PTPRQ: variants seen among roughly 807,000 people sequenced by gnomAD.
PTPRQ encodes protein tyrosine phosphatase receptor type Q, also known as phosphatidylinositol phosphatase PTPRQ.
Under a neutral mutation model 246.0 loss-of-function variants are expected in PTPRQ, and 199 were observed. That is an observed-to-expected ratio of 0.81 (90% CI 0.72 to 0.91). The LOEUF is 0.91. Ranked by LOEUF, PTPRQ falls within the 40% of genes least tolerant of loss-of-function variation. The pLI is 0.00. For synonymous variants in PTPRQ, 869 were observed against 853.2 expected (o/e 1.02, Z -0.32); for missense variants, 2,624 against 2,528.4 (o/e 1.04, Z -0.81).
chr12:80,597,113 A>G (rs1897995237), intron 26 of PTPRQ, among the ~76,000 whole-genome samples: 2 of 152,052 alleles, frequency 1.3e-5, no homozygotes, highest in Non-Finnish European at 2.9e-5. Context: ...ATCATCTCCC[A>G]AAACAAATTG....
Position 80,680,060 on chromosome 12 carries a change from CT to C in PTPRQ, c.*1040del, listed in dbSNP as rs1007020998. ...ACCATGTATAGCAAATTCAAGGTTT[CT>C]TTATAGAAAATCTTTCAGCCTCCAT... On this transcript the variant is annotated 3_prime_UTR_variant, in exon 45 of 45. Coordinates refer to ENST00000644991, the MANE Select transcript of PTPRQ (RefSeq NM_001145026.2). 3 of 151,734 alleles carry C rather than the reference CT, an allele frequency of 2.0e-5. No homozygotes were observed. The highest frequency in any genetic ancestry group is 6.6e-5 in the Admixed American group (1 of 15,170). The allele number at this position is 151,734 out of a possible 1,614,324, so 9.4% of individuals were successfully genotyped here.
At position 80,507,309 on chromosome 12, in the gene PTPRQ, G is replaced by A. The variant is rs1284589343; in HGVS notation, c.2557+639G>A. Reference sequence around the variant, plus strand: ...ACTTCTGAAAGATATATTTGGGTTAGGATTTGCATTTTATGTTTTATACAT... The same window carrying A: ...ACTTCTGAAAGATATATTTGGGTTAAGATTTGCATTTTATGTTTTATACAT... On this transcript the variant is annotated intron_variant, in intron 16 of 44. Coordinates refer to ENST00000644991, the MANE Select transcript of PTPRQ (RefSeq NM_001145026.2). 1.3e-5 allele frequency among the ~76,000 whole-genome samples: 2 copies of A among 152,046 alleles called. 1 individual carries two copies. The highest frequency in any genetic ancestry group is 4.2e-4 in the South Asian group (2 of 4,818).
chr12:80,612,690 C>T (rs1898598434), intron 28 of PTPRQ, among the ~76,000 whole-genome samples: 1 of 150,368 alleles, frequency 6.7e-6, no homozygotes, highest in African/African-American at 2.4e-5. Flanking sequence ...GGGCACTGAT[C>T]ACAGAGAATT....
chr12:80,610,386 T>A, intron 27 of PTPRQ, 53 bp from the exon 28 acceptor site: 3 of 1,400,826 alleles, frequency 2.1e-6, no homozygotes, highest in Non-Finnish European at 2.8e-6. Context: ...TATGTTTTGG[T>A]GACTCAGATT....
At chr12:80,667,585 G>T (rs2121276826) in intron 39 of PTPRQ, among the ~76,000 whole-genome samples, 1 of 151,688 alleles carries the variant, frequency 6.6e-6, no homozygotes, top group South Asian at 2.1e-4. Context: ...CAGTGTCTTT[G>T]GTCAGTGATG....
chr12:80,478,676 C>T (rs997605985), intron 8 of PTPRQ, among the ~76,000 whole-genome samples: 3 of 152,052 alleles, frequency 2.0e-5, no homozygotes, highest in African/African-American at 7.2e-5. Context: ...CAGAGAAGTG[C>T]TTAAAGGAGC....
chr12:80,525,544 A>G (rs1380676210), intron 17 of PTPRQ, among the ~76,000 whole-genome samples: 2 of 152,094 alleles, frequency 1.3e-5, no homozygotes, highest in African/African-American at 4.8e-5. Flanking sequence ...AGTGCAGCGG[A>G]AAGCCCGTGG....
intron 9 of PTPRQ, among the ~76,000 whole-genome samples, chr12:80,490,690 T>G (rs1029018242): frequency 6.6e-6 from 1 of 151,886 alleles, no homozygotes; most frequent in Admixed American, 6.6e-5. Context: ...AATATCTAAT[T>G]CAGAATGTCA....
At chr12:80,630,877 C>T (rs900384236) in intron 33 of PTPRQ, among the ~76,000 whole-genome samples, 1 of 152,022 alleles carries the variant, frequency 6.6e-6, no homozygotes, top group Non-Finnish European at 1.5e-5. Flanking sequence ...CCACCACGCC[C>T]AGCTAATTTT....
At chr12:80,449,645 T>A (rs1031909103) in intron 3 of PTPRQ, among the ~76,000 whole-genome samples, 1 of 151,962 alleles carries the variant, frequency 6.6e-6, no homozygotes, top group African/African-American at 2.4e-5. Flanking sequence ...CCCTTCCCCA[T>A]TGCTTGTTTT....
chr12:80,601,872 A>G (rs4606538), intron 26 of PTPRQ, among the ~76,000 whole-genome samples: 55,112 of 151,574 alleles, frequency 0.36, 10,965 homozygotes, highest in African/African-American at 0.53. Context: ...AATTTGAGGC[A>G]GTTTTCCTAG....
intron 17 of PTPRQ, among the ~76,000 whole-genome samples, chr12:80,525,281 T>G (rs1195141030): frequency 1.3e-5 from 2 of 152,154 alleles, no homozygotes; most frequent in East Asian, 3.9e-4. Context: ...TTCTTTTTGT[T>G]TCAAGTACTG....
rs149552913 is a variant in PTPRQ at position 80,669,869 on chromosome 12, G to C, written c.6453+405G>C. ...ATTTAATCTGCAGCCAGATAGAAAA[G>C]GTAGTATGGGATCTCACTTTATGAG... is the stretch of plus-strand genomic sequence containing the variant. On this transcript the variant is annotated intron_variant, in intron 41 of 44. Transcript: ENST00000644991. Among the ~76,000 whole-genome samples the C allele has an allele frequency of 5.3e-3, 799 of 152,132 alleles. 5 individuals are homozygous for C. The highest frequency in any genetic ancestry group is 0.018 in the African/African-American group (750 of 41,522).
At chr12:80,656,458 C>T (rs111283397) in intron 38 of PTPRQ, among the ~76,000 whole-genome samples, 2 of 152,098 alleles carry the variant, frequency 1.3e-5, no homozygotes, top group African/African-American at 4.8e-5. Context: ...AGACCCAATC[C>T]TGTTTACCCA....
intron 35 of PTPRQ, among the ~76,000 whole-genome samples, chr12:80,638,216 C>A (rs1375627910): frequency 2.0e-5 from 3 of 150,964 alleles, no homozygotes; most frequent in East Asian, 3.9e-4. Context: ...TGGCAGTGAG[C>A]CAAGATCACA....
intron 9 of PTPRQ, among the ~76,000 whole-genome samples, chr12:80,493,010 C>G (rs1380014392): frequency 1.3e-5 from 2 of 151,876 alleles, no homozygotes. Flanking sequence ...AAGAAACCAA[C>G]TCAAGTCAGA....
intron 25 of PTPRQ, among the ~76,000 whole-genome samples, chr12:80,573,382 G>A (rs888520434): frequency 5.9e-5 from 9 of 151,984 alleles, no homozygotes; most frequent in East Asian, 1.9e-4. Context: ...CCAGCTACTC[G>A]GGAGGCTGAG....
At chr12:80,568,852 G>A (rs1221626857) in intron 25 of PTPRQ, among the ~76,000 whole-genome samples, 1 of 152,156 alleles carries the variant, frequency 6.6e-6, no homozygotes. Flanking sequence ...TTTATGTAAT[G>A]ATTTTATGGA....
rs150716779 is a variant in PTPRQ, at chr12:80,651,386, A to G, written c.6025-1358A>G. 2.0e-5 allele frequency among the ~76,000 whole-genome samples: 3 copies of G among 152,192 alleles called. No homozygotes were observed. The East Asian group carries it at 5.8e-4, about 29-fold the overall frequency. On this transcript the variant is annotated intron_variant, in intron 37 of 44. Coordinates refer to ENST00000644991, the MANE Select transcript of PTPRQ (RefSeq NM_001145026.2). ...TATATCAACCAGAAAAGAGTTTATA[A>G]AAAAGGTGTCTTTCAGGATGAACTT...
Sources: gnomAD v4.1 joint callset for allele counts (sites outside exome capture counted in the v4.1 genomes callset) on GRCh38, gnomAD v4.1.1 for gene constraint, MANE v1.5 for transcripts, NCBI Gene and HGNC (gene_info 2026-07-23, HGNC 2026-07-21) for gene names.